Variants in EPC2 observed in about 807,000 individuals in gnomAD.
EPC2 encodes the protein enhancer of polycomb homolog 2.
Under a neutral mutation model 92.1 loss-of-function variants are expected in EPC2, and 14 were observed. The observed-to-expected ratio is 0.15, with a 90% confidence interval of 0.10 to 0.24. The LOEUF (loss-of-function observed/expected upper bound fraction) is 0.24. Ranked by LOEUF, EPC2 falls within the 10% of genes least tolerant of loss-of-function variation. The pLI is 1.00. For synonymous variants in EPC2, 340 were observed against 334.7 expected (o/e 1.02, Z -0.17); for missense variants, 755 against 971.5 (o/e 0.78, Z 2.96).
intron 1 of EPC2, among the ~76,000 whole-genome samples, chr2:148,665,728 C>G (rs1681043631): frequency 6.6e-6 from 1 of 152,130 alleles, no homozygotes; most frequent in African/African-American, 2.4e-5. Flanking sequence ...TTAAAGCCAT[C>G]CACTCACACC....
chr2:148,762,660 C>T lies in EPC2; in HGVS notation c.816-10C>T. The T allele has an allele frequency of 6.4e-7, 1 of 1,563,754 alleles. No homozygotes were observed. The highest frequency in any genetic ancestry group is 2.0e-5 in the Admixed American group (1 of 50,328). On this transcript the variant is annotated splice_polypyrimidine_tract_variant and intron_variant, in intron 5 of 13. Transcript: ENST00000258484. ...GCAATGTTTTCTTATATTTTTGTTA[C>T]CTTTTCAAGATACCATTTGGGAGAC... is the stretch of plus-strand genomic sequence containing the variant.
intron 2 of EPC2, among the ~76,000 whole-genome samples, chr2:148,703,444 T>G (rs1209626573): frequency 1.5e-3 from 2 of 1,316 alleles, no homozygotes; most frequent in African/African-American, 1.8e-3. Flanking sequence ...CCTGTTTGGT[T>G]TTTTTTTGTT....
chr2:148,676,040 C>G (rs1681254908), intron 1 of EPC2, among the ~76,000 whole-genome samples: 1 of 151,888 alleles, frequency 6.6e-6, no homozygotes, highest in African/African-American at 2.4e-5. Flanking sequence ...TCATTCGTCC[C>G]CAAAAGAAAA....
intron 2 of EPC2, among the ~76,000 whole-genome samples, chr2:148,719,210 G>A (rs527454036): frequency 5.3e-5 from 8 of 152,072 alleles, no homozygotes; most frequent in South Asian, 4.2e-4. Context: ...AGTGAACTTC[G>A]TTGTTACCAC....
chr2:148,728,911 A>G (rs984120365), intron 2 of EPC2, among the ~76,000 whole-genome samples: 2 of 151,512 alleles, frequency 1.3e-5, no homozygotes, highest in Non-Finnish European at 2.9e-5. Flanking sequence ...GGGCGCCTGT[A>G]GTCCCAGCTA....
intron 10 of EPC2, among the ~76,000 whole-genome samples, chr2:148,771,803 T>TG (rs1683526688): frequency 1.0e-5 from 1 of 97,832 alleles, no homozygotes; most frequent in African/African-American, 3.2e-5. Flanking sequence ...CTGTGAATAA[T>TG]TTTTTTTTTT....
chr2:148,702,286 T>C (rs1433951552), intron 2 of EPC2, among the ~76,000 whole-genome samples: 1 of 152,226 alleles, frequency 6.6e-6, no homozygotes, highest in Admixed American at 6.5e-5. Flanking sequence ...TAAATTTACC[T>C]AATGTAAAAA....
chr2:148,760,701 G>A (rs1683286789), intron 4 of EPC2, among the ~76,000 whole-genome samples: 1 of 152,064 alleles, frequency 6.6e-6, no homozygotes, highest in Non-Finnish European at 1.5e-5. Flanking sequence ...TATTCGATGT[G>A]GAATACCATA....
intron 7 of EPC2, among the ~76,000 whole-genome samples, chr2:148,768,892 T>A (rs114971999): frequency 0.025 from 3,831 of 152,340 alleles, 55 homozygotes; most frequent in East Asian, 0.032. Flanking sequence ...ATTCTAAGAC[T>A]TAGCACTTCA....
intron 10 of EPC2, among the ~76,000 whole-genome samples, chr2:148,779,163 G>GT (rs1683703094): frequency 6.6e-6 from 1 of 152,110 alleles, no homozygotes; most frequent in Admixed American, 6.6e-5. Flanking sequence ...AGTTTTATCT[G>GT]TTTCCGTTTT....
chr2:148,645,891 G>C (rs560857391), intron 1 of EPC2, among the ~76,000 whole-genome samples: 1 of 152,252 alleles, frequency 6.6e-6, no homozygotes, highest in Admixed American at 6.5e-5. Flanking sequence ...CCGGAAGCGA[G>C]CCGCCGGCGT....
chr2:148,687,110 T>A (rs979555967), intron 1 of EPC2, among the ~76,000 whole-genome samples: 1 of 152,270 alleles, frequency 6.6e-6, no homozygotes, highest in Non-Finnish European at 1.5e-5. Context: ...TCTAGATGAC[T>A]TGTGATGTTT....
At chr2:148,656,243 T>C (rs997046741) in intron 1 of EPC2, among the ~76,000 whole-genome samples, 8 of 152,170 alleles carry the variant, frequency 5.3e-5, no homozygotes, top group African/African-American at 1.9e-4. Flanking sequence ...TAGCTTTCTG[T>C]TGATTGTTTG....
chr2:148,775,673 A>T (rs1321699433), intron 10 of EPC2, among the ~76,000 whole-genome samples: 1 of 147,652 alleles, frequency 6.8e-6, no homozygotes, highest in African/African-American at 2.5e-5. Flanking sequence ...AAATAAAATT[A>T]AATTTAATTT....
Position 148,771,093 on chromosome 2 carries a change from A to G in EPC2, c.1426A>G (p.Ile476Val), listed in dbSNP as rs1683506885. Residue 476 changes from isoleucine (I) to valine (V), a missense_variant, in exon 10 of 14, where the codon ATA (isoleucine) becomes GTA (valine). By Grantham distance (29) the Ile-to-Val change is conservative. Coordinates refer to ENST00000258484, the MANE Select transcript of EPC2 (RefSeq NM_015630.4). Reference protein sequence around the residue: ...STEHDPVLKQIDPEMLNSFSS... With the variant: ...STEHDPVLKQVDPEMLNSFSS... ...AGAACATGACCCAGTCCTGAAACAGATAGACCCTGAAATGCTGAATAGTTT... is the reference window on the plus strand; with the variant it reads ...AGAACATGACCCAGTCCTGAAACAGGTAGACCCTGAAATGCTGAATAGTTT... The G allele has an allele frequency of 6.2e-7, 1 of 1,613,160 alleles. No individual in the cohort carries two copies. The highest frequency in any genetic ancestry group is 1.1e-5 in the South Asian group (1 of 90,976).
chr2:148,661,035 A>C (rs1680922286), intron 1 of EPC2, among the ~76,000 whole-genome samples: 2 of 151,886 alleles, frequency 1.3e-5, no homozygotes, highest in Non-Finnish European at 2.9e-5. Flanking sequence ...ACTTTTTCAG[A>C]GTTTACTGGC....
In EPC2 at chr2:148,644,935, T is replaced by C; in HGVS notation, c.-83T>C. The C allele has an allele frequency of 8.4e-7, 1 of 1,191,136 alleles. No individual in the cohort carries two copies. The highest frequency in any genetic ancestry group is 1.2e-6 in the Non-Finnish European group (1 of 834,466). 73.8% of individuals were successfully genotyped at this position (1,191,136 alleles called of 1,614,324 possible). A position where few individuals can be genotyped will look rare whatever the true frequency, so the allele number is the denominator to read the frequency against. On this transcript the variant is annotated 5_prime_UTR_variant, in exon 1 of 14. Coordinates refer to ENST00000258484, the MANE Select transcript of EPC2 (RefSeq NM_015630.4). ...GGCCGCGCTGCACTGAGGAAGGAGG[T>C]GGAGGAGGCGGCGGGAGTCCTCCCC...
intron 1 of EPC2, among the ~76,000 whole-genome samples, chr2:148,672,565 A>G (rs1166286135): frequency 6.6e-6 from 1 of 152,152 alleles, no homozygotes; most frequent in East Asian, 1.9e-4. Flanking sequence ...CAGTCTAAAA[A>G]CTTAAAAGCA....
At chr2:148,671,825 T>C (rs1681160772) in intron 1 of EPC2, among the ~76,000 whole-genome samples, 1 of 152,174 alleles carries the variant, frequency 6.6e-6, no homozygotes, top group Admixed American at 6.5e-5. Flanking sequence ...GCATTTTTAG[T>C]TGCATTATTT....
Sources: gnomAD v4.1 joint callset for allele counts (sites outside exome capture counted in the v4.1 genomes callset) on GRCh38, gnomAD v4.1.1 for gene constraint, MANE v1.5 for transcripts, NCBI Gene and HGNC (gene_info 2026-07-23, HGNC 2026-07-21) for gene names.